Variants in PTPRG observed in about 807,000 individuals in gnomAD.
PTPRG encodes the protein protein tyrosine phosphatase receptor type G.
In PTPRG, 102 loss-of-function variants were observed where a neutral mutation model predicts 165.3. The observed-to-expected ratio is 0.62, with a 90% CI of 0.53 to 0.73. The LOEUF (loss-of-function observed/expected upper bound fraction) is 0.73. Among genes scored for constraint, PTPRG ranks in the 30% least tolerant of loss-of-function variants. PTPRG has a pLI of 0.00. For missense variants in PTPRG, 1,866 were observed against 1,861.4 expected, an observed-to-expected ratio of 1.00 and a Z score of -0.05; for synonymous variants, 675 against 669.5, an observed-to-expected ratio of 1.01 and a Z score of -0.13.
chr3:61,684,316 T>TC (rs1241031646), intron 1 of PTPRG, among the ~76,000 whole-genome samples: 1 of 152,240 alleles, frequency 6.6e-6, no homozygotes, highest in Non-Finnish European at 1.5e-5. Flanking sequence ...TCGGGACACA[T>TC]CTGTGTGCCT....
At chr3:62,282,688 A>G in intron 27 of PTPRG, 39 bp from the exon 28 acceptor site, 1 of 1,571,758 alleles carries the variant, frequency 6.4e-7, no homozygotes, top group Non-Finnish European at 8.6e-7. Flanking sequence ...GATATGTGAA[A>G]TAAAGGAAGG....
intron 15 of PTPRG, among the ~76,000 whole-genome samples, chr3:62,251,398 C>G (rs1701415122): frequency 6.6e-6 from 1 of 151,858 alleles, no homozygotes; most frequent in African/African-American, 2.4e-5. Context: ...CCTGTAGTTT[C>G]AGCTACTCAG....
rs2035619668 is a variant in PTPRG at position 61,812,597 on chromosome 3, A to G, written c.190+63615A>G. Among the ~76,000 whole-genome samples the G allele has an allele frequency of 2.6e-5, 4 of 152,332 alleles. No individual in the cohort carries two copies. The South Asian group carries it at 6.2e-4, about 24-fold the overall frequency. ...CCTTTGCTCACCAAAAGTCAGATTCATCCTATCTAGGTTTCCAGATAACTC... is the reference window on the plus strand; with the variant it reads ...CCTTTGCTCACCAAAAGTCAGATTCGTCCTATCTAGGTTTCCAGATAACTC... On this transcript the variant is annotated intron_variant, in intron 2 of 29. Coordinates refer to ENST00000474889, the MANE Select transcript of PTPRG (RefSeq NM_002841.4).
At chr3:61,569,488 GTTTATT>G (rs1700004576) in intron 1 of PTPRG, among the ~76,000 whole-genome samples, 1 of 152,088 alleles carries the variant, frequency 6.6e-6, no homozygotes, top group South Asian at 2.1e-4. Flanking sequence ...AGTTTTATAT[GTTTATT>G]TTTATAGAGA....
chr3:62,236,843 A>T (rs1701044277), intron 14 of PTPRG, among the ~76,000 whole-genome samples: 1 of 152,216 alleles, frequency 6.6e-6, no homozygotes, highest in Non-Finnish European at 1.5e-5. Flanking sequence ...TAGTAAGCAG[A>T]GGACCCTGGA....
chr3:61,723,630 G>T (rs949121775), intron 1 of PTPRG, among the ~76,000 whole-genome samples: 1 of 152,142 alleles, frequency 6.6e-6, no homozygotes, highest in African/African-American at 2.4e-5. Context: ...TTCACAGGAA[G>T]GTGCCAAGAT....
At chr3:61,752,572 C>G (rs943211873) in intron 2 of PTPRG, among the ~76,000 whole-genome samples, 3 of 151,892 alleles carry the variant, frequency 2.0e-5, no homozygotes, top group Non-Finnish European at 4.4e-5. Context: ...GCGGGCAGAT[C>G]ACGAGGTCAG....
chr3:62,038,645 C>T (rs1173111088), intron 4 of PTPRG, among the ~76,000 whole-genome samples: 1 of 152,240 alleles, frequency 6.6e-6, no homozygotes, highest in South Asian at 2.1e-4. Flanking sequence ...ATCTTCCTGA[C>T]TTGGCCTTCC....
intron 29 of PTPRG, 48 bp downstream of exon 29, chr3:62,292,604 T>A: frequency 6.3e-7 from 1 of 1,591,618 alleles, no homozygotes; most frequent in East Asian, 2.3e-5. Context: ...CAGTTGAAAC[T>A]CAGACTCACA....
intron 1 of PTPRG, among the ~76,000 whole-genome samples, chr3:61,695,074 G>A (rs187882311): frequency 1.0e-3 from 156 of 151,724 alleles, no homozygotes; most frequent in African/African-American, 3.6e-3. Flanking sequence ...GCAATGGCGC[G>A]ATAGTGGCTC....
At chr3:62,113,867 T>A (rs1292097375) in intron 5 of PTPRG, among the ~76,000 whole-genome samples, 1 of 152,244 alleles carries the variant, frequency 6.6e-6, no homozygotes, top group Admixed American at 6.5e-5. Flanking sequence ...GGCGGTGCCA[T>A]AATTCATAGT....
chr3:61,944,306 T>C (rs529074983), intron 2 of PTPRG, among the ~76,000 whole-genome samples: 1 of 152,362 alleles, frequency 6.6e-6, no homozygotes, highest in South Asian at 2.1e-4. Flanking sequence ...TTTTCACATA[T>C]TGATGTCCCT....
At chr3:62,117,251 T>C (rs1381595015) in intron 5 of PTPRG, among the ~76,000 whole-genome samples, 1 of 152,198 alleles carries the variant, frequency 6.6e-6, no homozygotes, top group Non-Finnish European at 1.5e-5. Flanking sequence ...AGAATAAAGT[T>C]TGAGAATTTA....
chr3:62,285,284 A>G (rs1387080375), intron 28 of PTPRG, among the ~76,000 whole-genome samples: 2 of 152,162 alleles, frequency 1.3e-5, no homozygotes, highest in Admixed American at 1.3e-4. Context: ...AATTGTCCCC[A>G]GAAAGCCTTG....
rs745476190 is a variant in PTPRG at position 62,203,781 on chromosome 3, C to T, written c.1986C>T (p.Ala662=). The change falls in exon 12 of 30, where the codon GCC becomes GCT. Residue 662 remains alanine (A), a synonymous_variant. Transcript: ENST00000474889. This position sits in a 1 kb window ranked among gnomAD's most constrained non-coding sequence, Gnocchi z 6.4. ...ACCAGACGGGCGGAAGGAGGGATGC[C>T]GGCCCAGGCCTGGACCCCGACATGG... ...PTDQTGGRRD[A]GPGLDPDMVT... 58 of 1,612,246 alleles carry T rather than the reference C, an allele frequency of 3.6e-5. 1 individual carries two copies. The Admixed American group carries it at 6.7e-4, about 19-fold the overall frequency.
At chr3:61,847,831 A>G (rs963217994) in intron 2 of PTPRG, among the ~76,000 whole-genome samples, 4 of 152,234 alleles carry the variant, frequency 2.6e-5, no homozygotes, top group African/African-American at 9.6e-5. Flanking sequence ...AGAGATGCAG[A>G]CAGAGGCTTA....
intron 6 of PTPRG, among the ~76,000 whole-genome samples, chr3:62,140,547 A>G (rs766904102): frequency 2.6e-5 from 4 of 152,178 alleles, no homozygotes; most frequent in Non-Finnish European, 5.9e-5. Flanking sequence ...GATGAAAGTC[A>G]GAACAGTGGG....
At chr3:62,046,962 A>G (rs1460817842) in intron 4 of PTPRG, among the ~76,000 whole-genome samples, 1 of 152,218 alleles carries the variant, frequency 6.6e-6, no homozygotes, top group African/African-American at 2.4e-5. Context: ...TGTGCTAAGC[A>G]GGTAATATTA....
At chr3:62,094,546 A>G (rs1702046198) in intron 5 of PTPRG, among the ~76,000 whole-genome samples, 3 of 152,250 alleles carry the variant, frequency 2.0e-5, no homozygotes, top group South Asian at 4.1e-4. Flanking sequence ...TCAAGCTCAT[A>G]CAAATTGGTT....
Sources: allele counts gnomAD v4.1 joint callset (sites outside exome capture counted in the v4.1 genomes callset), GRCh38; gene constraint gnomAD v4.1.1; non-coding constraint Gnocchi (gnomAD v3.1); transcripts MANE v1.5; gene names NCBI Gene and HGNC (gene_info 2026-07-23, HGNC 2026-07-21).